Variants in COL4A6 observed in about 807,000 individuals in gnomAD.
COL4A6 encodes collagen type IV alpha 6 chain, also known as collagen alpha-6(IV) chain.
In COL4A6, 59 loss-of-function variants were observed where a neutral mutation model predicts 126.7. That is an observed-to-expected ratio of 0.47 (90% CI 0.38 to 0.58). The LOEUF (loss-of-function observed/expected upper bound fraction) is 0.58. Among genes scored for constraint, COL4A6 ranks in the 20% least tolerant of loss-of-function variants. The pLI, the probability that COL4A6 is intolerant of heterozygous loss-of-function variation, is 0.00. For synonymous variants in COL4A6, 547 were observed against 496.6 expected (o/e 1.10, Z -1.35); for missense variants, 1,285 against 1,337.3 (o/e 0.96, Z 0.61).
intron 2 of COL4A6, among the ~76,000 whole-genome samples, chrX:108,400,282 A>G (rs1179009626): frequency 9.0e-6 from 1 of 111,131 alleles, no homozygotes; most frequent in Non-Finnish European, 1.9e-5. Flanking sequence ...GCTCTTTCAG[A>G]GTCTCTTAAA....
chrX:108,252,269 T>A (rs1239552309), intron 3 of COL4A6, among the ~76,000 whole-genome samples: 2 of 111,642 alleles, frequency 1.8e-5, no homozygotes, highest in African/African-American at 3.3e-5. Context: ...TCACTTAACA[T>A]AATGTCCTCT....
intron 3 of COL4A6, among the ~76,000 whole-genome samples, chrX:108,290,290 T>C (rs929851727): frequency 1.8e-5 from 2 of 112,244 alleles, no homozygotes; most frequent in Non-Finnish European, 3.8e-5. Context: ...TGGAATTTAA[T>C]GAAGTAGAAA....
rs576667218 is a variant in COL4A6, at chrX:108,291,598, T to C, written c.144+19150A>G. ...GGGCTCTGATTAGTATCTTCACTTA[T>C]AAATCTTTCTTACTCCTGTATTTCC... On this transcript the variant is annotated intron_variant, in intron 3 of 44. Transcript: ENST00000334504. Among the ~76,000 whole-genome samples the C allele has an allele frequency of 1.2e-4, 13 of 111,467 alleles. No individual in the cohort carries two copies. The South Asian group carries it at 1.5e-3, about 13-fold the overall frequency.
chrX:108,217,574 C>CA (rs1569360660), intron 5 of COL4A6, among the ~76,000 whole-genome samples: 1 of 111,045 alleles, frequency 9.0e-6, no homozygotes, highest in East Asian at 2.9e-4. Context: ...GAGACTATCA[C>CA]AAAAAACTAT....
intron 3 of COL4A6, among the ~76,000 whole-genome samples, chrX:108,252,812 A>C (rs1393433020): frequency 1.8e-5 from 2 of 111,991 alleles, no homozygotes; most frequent in Non-Finnish European, 3.8e-5. Flanking sequence ...ACCATGATCA[A>C]GTGGGATTCT....
At chrX:108,328,007 A>G (rs890642097) in intron 2 of COL4A6, among the ~76,000 whole-genome samples, 3 of 111,479 alleles carry the variant, frequency 2.7e-5, no homozygotes, top group Non-Finnish European at 3.8e-5. Context: ...TTCACAGGTC[A>G]CTTTTGGAGG....
At chrX:108,409,120 T>G (rs1322317628) in intron 2 of COL4A6, among the ~76,000 whole-genome samples, 1 of 112,286 alleles carries the variant, frequency 8.9e-6, no homozygotes, top group Non-Finnish European at 1.9e-5. Flanking sequence ...TGAAAAGAGA[T>G]GCAGCCTAAG....
intron 2 of COL4A6, among the ~76,000 whole-genome samples, chrX:108,362,055 TTG>T (rs10548613): frequency 0.072 from 7,447 of 102,793 alleles, 611 homozygotes; most frequent in African/African-American, 0.23. Flanking sequence ...TCAAACTAGT[TTG>T]TGTGTGTGTG....
At chrX:108,421,256 A>AT (rs2063978157) in intron 2 of COL4A6, among the ~76,000 whole-genome samples, 1 of 112,370 alleles carries the variant, frequency 8.9e-6, no homozygotes, top group Admixed American at 9.5e-5. Flanking sequence ...TTAATTGCTA[A>AT]TAACAGCTAA....
intron 3 of COL4A6, among the ~76,000 whole-genome samples, chrX:108,250,205 G>A (rs2036817593): frequency 9.0e-6 from 1 of 110,966 alleles, no homozygotes; most frequent in African/African-American, 3.3e-5. Context: ...GTTCTCTATA[G>A]AGTACTGCCT....
intron 2 of COL4A6, among the ~76,000 whole-genome samples, chrX:108,333,336 T>C (rs943074576): frequency 5.4e-5 from 6 of 111,592 alleles, no homozygotes; most frequent in African/African-American, 2.0e-4. Flanking sequence ...TTTCAATAGA[T>C]GCAGAAAAAA....
At chrX:108,278,576 T>C (rs1228380921) in intron 3 of COL4A6, among the ~76,000 whole-genome samples, 1 of 110,414 alleles carries the variant, frequency 9.1e-6, no homozygotes, top group Non-Finnish European at 1.9e-5. Context: ...CTGCAGGATA[T>C]TATCCAGGAG....
intron 3 of COL4A6, among the ~76,000 whole-genome samples, chrX:108,292,993 C>CAAAAAAAAAAAAAA (rs149076547): frequency 2.1e-4 from 3 of 14,557 alleles, no homozygotes; most frequent in Non-Finnish European, 3.6e-4. Context: ...AGGAAAAAAG[C>CAAAAAAAAAAAAAA]AAAAAAAAAA....
At chrX:108,185,405 A>AAC (rs1384336554) in intron 23 of COL4A6, among the ~76,000 whole-genome samples, 50 of 108,013 alleles carry the variant, frequency 4.6e-4, no homozygotes, top group African/African-American at 1.6e-3. Context: ...AAAAAAAAAA[A>AAC]GGAAAATGTC....
At position 108,425,167 on chromosome X, in the gene COL4A6, ATGTGTGTGTGTG is replaced by A. The variant is rs3081000; in HGVS notation, c.63+12763_63+12774del. Among the ~76,000 whole-genome samples, 167 of 89,235 alleles carry A rather than the reference ATGTGTGTGTGTG, an allele frequency of 1.9e-3. No individual in the cohort carries two copies. In the East Asian group the frequency reaches 0.046, roughly 25 times the overall value. The allele number at this position is 89,235 out of a possible 115,157, so 77.5% of individuals were successfully genotyped here. ...TAATGGGTGCTGCCCAGTTAACTGT[ATGTGTGTGTGTG>A]TGTGTGTGTGTGTGTGTGTGTGTGA... is the stretch of plus-strand genomic sequence containing the variant. On this transcript the variant is annotated intron_variant, in intron 2 of 44. Transcript: ENST00000334504.
chrX:108,169,217 G>A (rs183311800), intron 37 of COL4A6, among the ~76,000 whole-genome samples: 2 of 112,177 alleles, frequency 1.8e-5, no homozygotes, highest in East Asian at 5.6e-4. Flanking sequence ...CTCTGACCAA[G>A]CATGCCAGAG....
At chrX:108,194,491 T>C (rs371130517) in intron 16 of COL4A6, 43 bp downstream of exon 16, 24 of 1,142,719 alleles carry the variant, frequency 2.1e-5, no homozygotes, top group Non-Finnish European at 2.7e-5. Flanking sequence ...GGTAATTCAC[T>C]CTTCTACCTA....
intron 2 of COL4A6, among the ~76,000 whole-genome samples, chrX:108,375,678 C>CT (rs142100994): frequency 3.1e-3 from 297 of 95,248 alleles, no homozygotes; most frequent in Middle Eastern, 4.9e-3. Context: ...TAGGCTAAAT[C>CT]TTTTTTTTTT....
chrX:108,439,345 C>T, upstream of COL4A6: 1 of 789,374 alleles, frequency 1.3e-6, no homozygotes. Context: ...CGCACATATA[C>T]TTATTTTCTT....
Sources: gnomAD v4.1 joint callset for allele counts (sites outside exome capture counted in the v4.1 genomes callset) on GRCh38, gnomAD v4.1.1 for gene constraint, MANE v1.5 for transcripts, NCBI Gene and HGNC (gene_info 2026-07-23, HGNC 2026-07-21) for gene names.